LRMDA: variants seen among roughly 807,000 people sequenced by gnomAD.
LRMDA encodes leucine rich melanocyte differentiation associated, also known as leucine-rich melanocyte differentiation-associated protein.
A neutral mutation model predicts 29.8 loss-of-function variants in LRMDA; 18 were observed. The observed-to-expected ratio is 0.60, with a 90% CI of 0.42 to 0.90. LRMDA has a LOEUF of 0.90. Among genes scored for constraint, LRMDA ranks in the 40% least tolerant of loss-of-function variants. The probability of loss-of-function intolerance (pLI) is 0.00; values close to 1 mark genes in which losing one functional copy is unlikely to be tolerated. For synonymous variants in LRMDA, 125 were observed against 109.4 expected (o/e 1.14, Z -0.89); for missense variants, 273 against 273.9 (o/e 1.00, Z 0.02).
rs1209654292 is a variant in LRMDA at position 76,357,307 on chromosome 10, G to A, written c.601+32822G>A. Among the ~76,000 whole-genome samples the A allele has an allele frequency of 2.0e-5, 3 of 152,232 alleles. No homozygotes were observed. In the South Asian group the frequency reaches 6.2e-4, roughly 32 times the overall value. ...AGAGGAGAAAGGCCATTTGGAACTC[G>A]ATCCAGATTCTGGGTTTAAAGATGA... is the stretch of plus-strand genomic sequence containing the variant. On this transcript the variant is annotated intron_variant, in intron 6 of 6. Transcript: ENST00000611255.
chr10:76,416,361 A>G (rs1011432055), intron 6 of LRMDA, among the ~76,000 whole-genome samples: 7 of 152,244 alleles, frequency 4.6e-5, no homozygotes, highest in African/African-American at 1.7e-4. Flanking sequence ...ATTAAAATTA[A>G]CACTTGATTC....
At chr10:75,645,779 G>A (rs1841512250) in intron 2 of LRMDA, among the ~76,000 whole-genome samples, 1 of 152,058 alleles carries the variant, frequency 6.6e-6, no homozygotes. Flanking sequence ...GAATATTCCT[G>A]GGGTAGAATC....
rs1848657612 is a variant in LRMDA at position 76,058,786 on chromosome 10, G to A, written c.516+3G>A. 6.2e-7 allele frequency: 1 copy of A among 1,602,772 alleles called. No individual in the cohort carries two copies. The highest frequency in any genetic ancestry group is 1.7e-5 in the Admixed American group (1 of 60,006). ...TCATGAAGGTGGTGAAGCCCAAGGT[G>A]AGCTGCCTACTTGCTGTTCTTCACA... On this transcript the variant is annotated splice_donor_region_variant and intron_variant, in intron 5 of 6. Coordinates refer to ENST00000611255, the MANE Select transcript of LRMDA (RefSeq NM_001305581.2).
chr10:75,774,188 A>G (rs1373150016), intron 2 of LRMDA, among the ~76,000 whole-genome samples: 5 of 152,168 alleles, frequency 3.3e-5, no homozygotes, highest in Non-Finnish European at 7.4e-5. Context: ...ATAAAAAATA[A>G]TTTATCTCAC....
intron 6 of LRMDA, among the ~76,000 whole-genome samples, chr10:76,338,381 TA>T (rs1840995747): frequency 6.6e-6 from 1 of 150,950 alleles, no homozygotes; most frequent in African/African-American, 2.4e-5. Context: ...AATAAATAAA[TA>T]AATAAATAAA....
At chr10:76,043,483 G>A (rs570647531) in intron 3 of LRMDA, among the ~76,000 whole-genome samples, 1 of 152,164 alleles carries the variant, frequency 6.6e-6, no homozygotes, top group Non-Finnish European at 1.5e-5. Flanking sequence ...GGAAAATGTG[G>A]TAGAAGTCCT....
At chr10:76,305,795 C>T (rs919989205) in intron 5 of LRMDA, among the ~76,000 whole-genome samples, 3 of 152,048 alleles carry the variant, frequency 2.0e-5, no homozygotes, top group Non-Finnish European at 4.4e-5. Flanking sequence ...ATGAATGAAA[C>T]TTTTGATGTT....
At chr10:76,418,819 T>A (rs1324204183) in intron 6 of LRMDA, among the ~76,000 whole-genome samples, 1 of 152,064 alleles carries the variant, frequency 6.6e-6, no homozygotes, top group Non-Finnish European at 1.5e-5. Context: ...GGTATTGAAT[T>A]TTGTCAAATA....
chr10:75,854,744 G>C (rs12049699), intron 2 of LRMDA, among the ~76,000 whole-genome samples: 11,289 of 148,010 alleles, frequency 0.076, 884 homozygotes, highest in East Asian at 0.34. Context: ...ACAGGCCCCA[G>C]TGTGTGATGT....
intron 5 of LRMDA, among the ~76,000 whole-genome samples, chr10:76,081,341 G>T (rs1397150493): frequency 6.6e-6 from 1 of 152,124 alleles, no homozygotes; most frequent in East Asian, 1.9e-4. Context: ...GGGTGTGGTG[G>T]TGCCTGTAGT....
chr10:76,521,898 T>C (rs1843125246), intron 6 of LRMDA, among the ~76,000 whole-genome samples: 1 of 152,242 alleles, frequency 6.6e-6, no homozygotes, highest in Non-Finnish European at 1.5e-5. Context: ...ATTTATTCTT[T>C]ATACCCCACA....
intron 2 of LRMDA, chr10:75,883,484 C>A (rs552896286): frequency 6.6e-6 from 1 of 152,294 alleles, no homozygotes; most frequent in East Asian, 1.9e-4. Flanking sequence ...TTTGTCTGCA[C>A]CCATCTTCAT....
intron 2 of LRMDA, among the ~76,000 whole-genome samples, chr10:75,982,506 C>T (rs1564622626): frequency 6.6e-6 from 1 of 152,044 alleles, no homozygotes; most frequent in Admixed American, 6.5e-5. Flanking sequence ...CTTGAGTGGC[C>T]AGTATTCCAC....
chr10:76,536,603 A>G (rs1244191059), intron 6 of LRMDA, among the ~76,000 whole-genome samples: 2 of 152,264 alleles, frequency 1.3e-5, no homozygotes, highest in African/African-American at 4.8e-5. Flanking sequence ...CCACATTCTG[A>G]ATTTTTCTGA....
chr10:75,468,829 T>G (rs1311745905), intron 2 of LRMDA, among the ~76,000 whole-genome samples: 2 of 151,998 alleles, frequency 1.3e-5, no homozygotes, highest in Non-Finnish European at 2.9e-5. Context: ...GCACAAAGGC[T>G]TCGTTCTGAT....
chr10:75,494,941 G>A (rs1845027486), intron 2 of LRMDA, among the ~76,000 whole-genome samples: 1 of 152,172 alleles, frequency 6.6e-6, no homozygotes, highest in Non-Finnish European at 1.5e-5. Context: ...TAGAAGTCCA[G>A]CCATCATGTC....
intron 2 of LRMDA, chr10:75,451,323 C>T (rs1844457862): frequency 1.3e-5 from 2 of 152,170 alleles, no homozygotes; most frequent in Non-Finnish European, 2.9e-5. Context: ...CATGAAATCT[C>T]TTTTGCCCTT....
intron 3 of LRMDA, among the ~76,000 whole-genome samples, chr10:76,044,353 C>T (rs1482383167): frequency 6.6e-6 from 1 of 151,750 alleles, no homozygotes; most frequent in East Asian, 1.9e-4. Context: ...TTAGGACATT[C>T]TGAGGAAGGT....
chr10:76,060,535 G>C (rs1352271512), intron 5 of LRMDA, among the ~76,000 whole-genome samples: 1 of 152,150 alleles, frequency 6.6e-6, no homozygotes, highest in African/African-American at 2.4e-5. Flanking sequence ...TAGTAATTGT[G>C]GAGCTGGAGG....
Sources: allele counts gnomAD v4.1 joint callset (sites outside exome capture counted in the v4.1 genomes callset), GRCh38; gene constraint gnomAD v4.1.1; transcripts MANE v1.5; gene names NCBI Gene and HGNC (gene_info 2026-07-23, HGNC 2026-07-21).